PAK4: variants seen among roughly 807,000 people sequenced by gnomAD.
The protein encoded by PAK4 is p21 (RAC1) activated kinase 4, also known as serine/threonine-protein kinase PAK 4.
In PAK4, 49 loss-of-function variants were observed where a neutral mutation model predicts 53.5. The ratio of observed to expected loss-of-function variants is 0.92; its 90% CI spans 0.73 to 1.16. PAK4 has a LOEUF of 1.16. Ranked by LOEUF, PAK4 falls within the 50% of genes most tolerant of loss-of-function variation. The pLI is 0.00. For missense variants in PAK4, 824 were observed against 850.7 expected, an observed-to-expected ratio of 0.97 and a Z score of 0.39; for synonymous variants, 376 against 375.6, an observed-to-expected ratio of 1.00 and a Z score of -0.01.
At chr19:39,126,576 A>G (rs1307557758) in intron 1 of PAK4, among the ~76,000 whole-genome samples, 4 of 151,742 alleles carry the variant, frequency 2.6e-5, no homozygotes, top group African/African-American at 9.7e-5. Flanking sequence ...CTTTACTTGT[A>G]TGAGCTTATT....
chr19:39,150,378 T>TC (rs1272823577), intron 1 of PAK4, among the ~76,000 whole-genome samples: 1 of 152,142 alleles, frequency 6.6e-6, no homozygotes, highest in Admixed American at 6.6e-5. Context: ...TTCAGAGTCG[T>TC]CCTTGACACC....
Position 39,175,318 on chromosome 19 carries a change from C to G in PAK4, c.1239C>G (p.Asn413Lys), listed in dbSNP as rs376504839. The G allele has an allele frequency of 1.3e-6, 2 of 1,580,592 alleles. No homozygotes were observed. Among genetic ancestry groups the G allele is most frequent in the Admixed American group, 1.8e-5 (1 of 54,212 alleles). ...CCCCCACCCCACCCCGCAGGATGAACGAGGAGCAGATCGCGGCCGTGTGCC... is the reference window on the plus strand; with the variant it reads ...CCCCCACCCCACCCCGCAGGATGAAGGAGGAGCAGATCGCGGCCGTGTGCC... Residue 413 changes from asparagine (N) to lysine (K), a missense_variant, in exon 6 of 9, where the codon AAC becomes AAG. Physicochemically the swap from Asn to Lys is moderately conservative, Grantham distance 94. This residue lies in a region of PAK4 where 346 missense variants were observed against 415.0 expected (regional missense o/e 0.83). Coordinates refer to ENST00000358301, the Ensembl canonical transcript of PAK4. The surrounding 1 kb of genome is among the most constrained non-coding windows in gnomAD (Gnocchi z 4.7).
chr19:39,155,827 G>T (rs1437369142), intron 1 of PAK4, among the ~76,000 whole-genome samples: 2 of 152,202 alleles, frequency 1.3e-5, no homozygotes, highest in Non-Finnish European at 2.9e-5. Context: ...GATGAAAGGG[G>T]CCTGCTGAAG....
At chr19:39,142,590 T>C (rs1296861081) in intron 1 of PAK4, among the ~76,000 whole-genome samples, 2 of 152,164 alleles carry the variant, frequency 1.3e-5, no homozygotes, top group Non-Finnish European at 2.9e-5. Context: ...AGCAATAGGC[T>C]GGGTGCCCCG....
In PAK4 at chr19:39,178,759, T is replaced by G. The variant is rs2074662689; in HGVS notation, c.*180T>G. On this transcript the variant is annotated 3_prime_UTR_variant, in exon 9 of 9. Coordinates refer to ENST00000358301, the Ensembl canonical transcript of PAK4. The surrounding 1 kb of genome is among the most constrained non-coding windows in gnomAD (Gnocchi z 4.4). ...AACTCCAGTTTTGATCTCGTGACTT[T>G]TAGAAAAACACAGGGACTCGTGGGA... 1.8e-6 allele frequency: 1 copy of G among 540,578 alleles called. No individual in the cohort carries two copies. The highest frequency in any genetic ancestry group is 2.0e-5 in the African/African-American group (1 of 49,842). 33.5% of individuals were successfully genotyped at this position (540,578 alleles called of 1,614,324 possible).
intron 1 of PAK4, among the ~76,000 whole-genome samples, chr19:39,136,950 G>A (rs1322651286): frequency 6.6e-6 from 1 of 152,166 alleles, no homozygotes; most frequent in Non-Finnish European, 1.5e-5. Flanking sequence ...GCGGGGGAGT[G>A]CAGGGGGCCT....
intron 1 of PAK4, among the ~76,000 whole-genome samples, chr19:39,145,460 G>A (rs1337599639): frequency 6.6e-6 from 1 of 152,052 alleles, no homozygotes. Flanking sequence ...CCCTACCCCT[G>A]GCCAGAGGAA....
In PAK4 at chr19:39,173,768, C is replaced by A; in HGVS notation, c.856C>A (p.Pro286Thr). The A allele has an allele frequency of 6.3e-7, 1 of 1,592,236 alleles. No homozygotes were observed. The highest frequency in any genetic ancestry group is 8.5e-7 in the Non-Finnish European group (1 of 1,171,070). The stretch of plus-strand genomic sequence containing the variant: ...CCCCGCCGCCCCTGCTGTTCCTGGG[C>A]CCCCTGGCCCCCGCTCACCACAGCG... Residue 286 changes from proline (P) to threonine (T), a missense_variant, in exon 4 of 9, where the codon CCC becomes ACC. Physicochemically the swap from Pro to Thr is conservative, Grantham distance 38 (BLOSUM62 -1). Around this residue, in one of 2 missense-constraint regions of PAK4, gnomAD observed 478 missense variants for 435.8 expected, o/e 1.10. Transcript: ENST00000358301. The surrounding 1 kb of genome is among the most constrained non-coding windows in gnomAD (Gnocchi z 6.9).
At chr19:39,176,975 T>C (rs1183092445) in intron 7 of PAK4, among the ~76,000 whole-genome samples, 6 of 152,068 alleles carry the variant, frequency 3.9e-5, no homozygotes, top group Admixed American at 1.3e-4. Context: ...TTCAAGCGAT[T>C]CTCCTGCCTC....
At chr19:39,141,909 G>A (rs2073916796) in intron 1 of PAK4, among the ~76,000 whole-genome samples, 1 of 152,258 alleles carries the variant, frequency 6.6e-6, no homozygotes, top group East Asian at 1.9e-4. Flanking sequence ...TTATAGGCGT[G>A]AGCCACGGCG....
intron 2 of PAK4, among the ~76,000 whole-genome samples, chr19:39,170,729 A>G (rs2074462803): frequency 6.6e-6 from 1 of 152,228 alleles, no homozygotes; most frequent in Non-Finnish European, 1.5e-5. Context: ...AGTTGGCCAT[A>G]GACACAAGTG....
intron 7 of PAK4, among the ~76,000 whole-genome samples, chr19:39,177,448 G>T (rs1600415876): frequency 1.3e-5 from 2 of 151,306 alleles, no homozygotes; most frequent in South Asian, 4.2e-4. Flanking sequence ...CCTGGGGGCA[G>T]TTGACAGAAA....
In PAK4 at chr19:39,173,544, C is replaced by T; in HGVS notation, c.664-32C>T. 6.7e-7 allele frequency: 1 copy of T among 1,492,002 alleles called. No individual in the cohort carries two copies. 92.4% of individuals were successfully genotyped at this position (1,492,002 alleles called of 1,614,324 possible). A position where few individuals can be genotyped will look rare whatever the true frequency, so the allele number is the denominator to read the frequency against. On this transcript the variant is annotated intron_variant, in intron 3 of 8. Coordinates refer to ENST00000358301, the Ensembl canonical transcript of PAK4. The surrounding 1 kb of genome is among the most constrained non-coding windows in gnomAD (Gnocchi z 6.9). ...GGGAGCAGAGCTGCTCCCTGGCACC[C>T]ATCACTGACAGCTACCTCTCTTCTG...
intron 1 of PAK4, among the ~76,000 whole-genome samples, chr19:39,155,357 T>C (rs73551744): frequency 0.019 from 2,864 of 152,184 alleles, 95 homozygotes; most frequent in African/African-American, 0.066. Context: ...CTGCAGACAG[T>C]GACAGCCTGG....
rs200016679 is a variant in PAK4 at position 39,176,741 on chromosome 19, C to G, written c.1485+26C>G. 13 of 1,603,786 alleles carry G rather than the reference C, an allele frequency of 8.1e-6. No homozygotes were observed. The African/African-American group carries it at 1.6e-4, about 20-fold the overall frequency. On this transcript the variant is annotated intron_variant, in intron 7 of 8. Transcript: ENST00000358301. ...GTGAGCCCCGGGGTGGCTTGGTTGT[C>G]CCGCCGTGGACAGCGTACGCTGCCA...
exon 2 of PAK4, chr19:39,169,723 C>T (rs963991135): frequency 2.5e-6 from 4 of 1,609,510 alleles, no homozygotes; most frequent in East Asian, 2.2e-5. Flanking sequence ...GTCGACCCCG[C>T]CTGCATCACC....
downstream of PAK4, chr19:39,180,533 C>T (rs922694085): frequency 1.3e-5 from 2 of 152,032 alleles, no homozygotes; most frequent in Admixed American, 6.5e-5. Flanking sequence ...CAACTTCTGC[C>T]TCCTGGGTTC....
intron 4 of PAK4, among the ~76,000 whole-genome samples, chr19:39,174,433 C>T (rs1427299936): frequency 6.6e-6 from 1 of 151,860 alleles, no homozygotes; most frequent in Non-Finnish European, 1.5e-5. Flanking sequence ...CGTTCAGGCC[C>T]ACCCCCTCCC....
chr19:39,181,985 A>G (rs1213099138), downstream of PAK4: 1 of 152,184 alleles, frequency 6.6e-6, no homozygotes, highest in Non-Finnish European at 1.5e-5. Flanking sequence ...CCTGTGTGCC[A>G]CCCCAGCTGC....
Sources: gnomAD v4.1 joint callset for allele counts (sites outside exome capture counted in the v4.1 genomes callset) on GRCh38, gnomAD v4.1.1 for gene constraint, gnomAD v4.1.1 regional missense constraint, Gnocchi (gnomAD v3.1) non-coding constraint, MANE v1.5 for transcripts, NCBI Gene and HGNC (gene_info 2026-07-23, HGNC 2026-07-21) for gene names.